Variants in FKBP9 observed in about 807,000 individuals in gnomAD.
The protein encoded by FKBP9 is FKBP prolyl isomerase 9.
Under a neutral mutation model 55.6 loss-of-function variants are expected in FKBP9, and 27 were observed. The ratio of observed to expected loss-of-function variants is 0.49; its 90% confidence interval spans 0.36 to 0.67. The LOEUF (loss-of-function observed/expected upper bound fraction) is 0.67. FKBP9 is among the 30% of genes least tolerant of loss of function. The pLI is 0.00. For missense variants in FKBP9, 539 were observed against 742.8 expected (o/e 0.73, Z 3.19); for synonymous variants, 267 against 296.5 (o/e 0.90, Z 1.02).
At chr7:33,005,093 C>G (rs977062738) in intron 9 of FKBP9, 82 bp from the exon 10 acceptor site, 18 of 1,555,994 alleles carry the variant, frequency 1.2e-5, no homozygotes, top group Non-Finnish European at 1.5e-5. Flanking sequence ...CCCTGTCACC[C>G]CCAGACTGCT....
rs1562579571 is a variant in FKBP9 at position 33,006,728 on chromosome 7, C to T, written c.*1377C>T. The T allele has an allele frequency of 4.7e-6, 1 of 212,638 alleles. No homozygotes were observed. Among genetic ancestry groups the T allele is most frequent in the Non-Finnish European group, 9.5e-6 (1 of 105,048 alleles). 13.2% of individuals were successfully genotyped at this position (212,638 alleles called of 1,614,324 possible). A position where few individuals can be genotyped will look rare whatever the true frequency, so the allele number is the denominator to read the frequency against. ...GCATCATGGAATAACCACATGGCTACCTTCTATCCTCTGTTCCCAAATGGT... is the reference window on the plus strand; with the variant it reads ...GCATCATGGAATAACCACATGGCTATCTTCTATCCTCTGTTCCCAAATGGT... On this transcript the variant is annotated 3_prime_UTR_variant, in exon 10 of 10. Transcript: ENST00000242209.
intron 1 of FKBP9, among the ~76,000 whole-genome samples, chr7:32,971,469 C>A (rs1217152125): frequency 6.6e-6 from 1 of 151,886 alleles, no homozygotes; most frequent in Non-Finnish European, 1.5e-5. Context: ...TTCTTTCTTC[C>A]TTTCTTCCTT....
chr7:32,988,581 T>C lies in FKBP9; in HGVS notation c.968T>C (p.Leu323Pro), dbSNP rs1392453409. ...YVIPGMDEGL[L>P]GVCIGEKRRI... ...ATTCCTGGGATGGATGAAGGTCTAC[T>C]TGGTGTTTGCATTGGAGAAAAGCGA... The change falls in exon 6 of 10, where the codon CTT becomes CCT. Residue 323 changes from leucine (L) to proline (P), a missense_variant. Coordinates refer to ENST00000242209, the MANE Select transcript of FKBP9 (RefSeq NM_007270.5). 6.2e-7 allele frequency: 1 copy of C among 1,613,826 alleles called. No individual in the cohort carries two copies. The highest frequency in any genetic ancestry group is 8.5e-7 in the Non-Finnish European group (1 of 1,179,860).
intron 3 of FKBP9, 125 bp downstream of exon 3, chr7:32,975,496 A>G: frequency 1.3e-6 from 1 of 744,214 alleles, no homozygotes; most frequent in Non-Finnish European, 2.2e-6. Context: ...TGTAATCAGT[A>G]CTGAACTCAT....
At chr7:32,970,719 TG>T (rs1267291912) in intron 1 of FKBP9, among the ~76,000 whole-genome samples, 2 of 128,014 alleles carry the variant, frequency 1.6e-5, no homozygotes, top group Non-Finnish European at 3.3e-5. Context: ...GTTTATTAGT[TG>T]TTTTTTTTTC....
At chr7:32,980,712 C>CCCTT (rs894803453) in intron 5 of FKBP9, among the ~76,000 whole-genome samples, 159 bp downstream of exon 5, 4 of 151,908 alleles carry the variant, frequency 2.6e-5, no homozygotes, top group East Asian at 1.9e-4. Context: ...GTTCTTTCCT[C>CCCTT]CCTTCCTTCC....
chr7:32,969,751 C>A (rs538672832), intron 1 of FKBP9, among the ~76,000 whole-genome samples: 217 of 152,240 alleles, frequency 1.4e-3, no homozygotes, highest in African/African-American at 5.1e-3. Context: ...ACCTGTAATC[C>A]CAGCACTTTG....
At chr7:32,978,350 C>G (rs1183640200) in intron 4 of FKBP9, among the ~76,000 whole-genome samples, 1 of 151,916 alleles carries the variant, frequency 6.6e-6, no homozygotes, top group Non-Finnish European at 1.5e-5. Context: ...AATTCTCCCC[C>G]CCACTGAGAT....
chr7:32,988,399 G>A (rs556795638), intron 5 of FKBP9, 108 bp from the exon 6 acceptor site: 66 of 1,083,078 alleles, frequency 6.1e-5, no homozygotes, highest in African/African-American at 1.2e-4. Flanking sequence ...ACGCTGTTCC[G>A]GAGTCTGGAG....
At chr7:32,966,874 C>T (rs1176470165) in intron 1 of FKBP9, among the ~76,000 whole-genome samples, 9 of 152,160 alleles carry the variant, frequency 5.9e-5, no homozygotes, top group Non-Finnish European at 7.3e-5. Context: ...CATTCATCAC[C>T]GAGGGGATGG....
At chr7:32,980,127 A>G (rs1784446477) in intron 4 of FKBP9, among the ~76,000 whole-genome samples, 1 of 152,110 alleles carries the variant, frequency 6.6e-6, no homozygotes, top group Non-Finnish European at 1.5e-5. Flanking sequence ...AAATATGGTC[A>G]TGGTAGTCTC....
intron 1 of FKBP9, among the ~76,000 whole-genome samples, chr7:32,957,996 C>T (rs1178498425): frequency 6.6e-6 from 1 of 152,236 alleles, no homozygotes; most frequent in Non-Finnish European, 1.5e-5. Flanking sequence ...AGGCTGCCAG[C>T]CGGGGACTGG....
chr7:32,989,479 G>A (rs963716939), intron 6 of FKBP9, among the ~76,000 whole-genome samples: 11 of 151,936 alleles, frequency 7.2e-5, no homozygotes, highest in South Asian at 2.1e-4. Flanking sequence ...ACAGTGGCAC[G>A]ATCTTGGCTC....
chr7:32,975,397 T>C, intron 3 of FKBP9, 26 bp downstream of exon 3: 1 of 1,593,278 alleles, frequency 6.3e-7, no homozygotes. Flanking sequence ...CATGGCAGTA[T>C]CAGTGAAATG....
At chr7:32,989,197 T>C (rs539861871) in intron 6 of FKBP9, among the ~76,000 whole-genome samples, 3 of 152,322 alleles carry the variant, frequency 2.0e-5, no homozygotes, top group South Asian at 4.1e-4. Flanking sequence ...TTTTATATAT[T>C]ATAAAATTCA....
At chr7:32,988,868 A>G (rs1350484060) in intron 6 of FKBP9, 1 of 512,148 alleles carries the variant, frequency 2.0e-6, no homozygotes, top group Non-Finnish European at 3.5e-6. Context: ...AGCTGGCACT[A>G]CAGGCACGCA....
intron 6 of FKBP9, among the ~76,000 whole-genome samples, chr7:32,992,309 C>T (rs979016935): frequency 2.7e-5 from 3 of 112,042 alleles, no homozygotes; most frequent in African/African-American, 3.5e-5. Flanking sequence ...TCAGAGGAAA[C>T]TGACTCTCTG....
intron 6 of FKBP9, among the ~76,000 whole-genome samples, chr7:32,994,459 C>T (rs1328664846): frequency 1.3e-5 from 2 of 152,138 alleles, no homozygotes; most frequent in South Asian, 2.1e-4. Context: ...CCTCTGCAGA[C>T]ACCCACCCTG....
chr7:32,996,223 C>A lies in FKBP9; in HGVS notation c.1100C>A (p.Pro367His). Residue 367 changes from proline to histidine, a missense_variant, in exon 7 of 10, where the codon CCT becomes CAT. Physicochemically the swap from Pro to His is moderately conservative, Grantham distance 77. Around this residue, in one of 4 missense-constraint regions of FKBP9, gnomAD observed 172 missense variants for 205.3 expected, o/e 0.84. Coordinates refer to ENST00000242209, the MANE Select transcript of FKBP9 (RefSeq NM_007270.5). ...ATCCATGTGATCGACTTCCACAACC[C>A]TTCGGACTCCATCAGCATCACCTCC... ...FDIHVIDFHN[P>H]SDSISITSHY... is the part of the protein sequence containing the mutation. The A allele has an allele frequency of 1.2e-6, 2 of 1,614,170 alleles. No homozygotes were observed. Among genetic ancestry groups the A allele is most frequent in the Non-Finnish European group, 1.7e-6 (2 of 1,180,008 alleles).
Sources: allele counts gnomAD v4.1 joint callset (sites outside exome capture counted in the v4.1 genomes callset), GRCh38; gene constraint gnomAD v4.1.1; regional missense constraint gnomAD v4.1.1; transcripts MANE v1.5; gene names NCBI Gene and HGNC (gene_info 2026-07-23, HGNC 2026-07-21).